Variants in COL22A1 observed in about 807,000 individuals in gnomAD.
COL22A1 encodes collagen alpha-1(XXII) chain.
COL22A1 carries 221 observed loss-of-function variants against 248.9 expected under a neutral mutation model. The observed-to-expected ratio is 0.89, with a 90% CI of 0.80 to 0.99. The LOEUF is 0.99. COL22A1 is among the 50% of genes least tolerant of loss of function. COL22A1 has a pLI of 0.00. For missense variants in COL22A1, 2,240 were observed against 2,179.0 expected (o/e 1.03, Z -0.56); for synonymous variants, 891 against 793.4 (o/e 1.12, Z -2.07).
chr8:138,905,110 T>C (rs755208406), intron 1 of COL22A1, among the ~76,000 whole-genome samples: 1 of 152,218 alleles, frequency 6.6e-6, no homozygotes, highest in Non-Finnish European at 1.5e-5. Context: ...ATTAGATACA[T>C]GACAAACTCT....
intron 22 of COL22A1, among the ~76,000 whole-genome samples, chr8:138,739,106 T>C (rs1251244375): frequency 6.6e-6 from 1 of 152,164 alleles, no homozygotes; most frequent in Non-Finnish European, 1.5e-5. Flanking sequence ...ATGATATCAT[T>C]AAAACATAAA....
In COL22A1 at chr8:138,643,619, T is replaced by C. The variant is rs566858339; in HGVS notation, c.3501+3010A>G. ...AATATCCCTATGCAATATAGATAGA[T>C]AGATAGATAGATAGATAGATAGATA... On this transcript the variant is annotated intron_variant, in intron 47 of 64. Transcript: ENST00000303045. Among the ~76,000 whole-genome samples, 3 of 48,406 alleles carry C rather than the reference T, an allele frequency of 6.2e-5. No homozygotes were observed. In the East Asian group the frequency reaches 4.1e-3, roughly 67 times the overall value. 31.8% of individuals were successfully genotyped at this position (48,406 alleles called of 152,430 possible).
intron 22 of COL22A1, among the ~76,000 whole-genome samples, chr8:138,738,548 C>T (rs1831304902): frequency 6.6e-6 from 1 of 152,142 alleles, no homozygotes; most frequent in Admixed American, 6.5e-5. Flanking sequence ...TTCTTCCCAC[C>T]TGATCCTTTC....
chr8:138,813,107 A>G lies in COL22A1; in HGVS notation c.1246-88T>C, dbSNP rs934349512. ...GGTTTCACACAGGCCCCGTCCTGGT[A>G]TCTGGTTCCACTTCCTCTTTGGGGT... is the stretch of plus-strand genomic sequence containing the variant. On this transcript the variant is annotated intron_variant, in intron 7 of 64. Transcript: ENST00000303045. The G allele has an allele frequency of 1.8e-5, 17 of 960,594 alleles. No homozygotes were observed. In the East Asian group the frequency reaches 3.9e-4, roughly 22 times the overall value. The allele number at this position is 960,594 out of a possible 1,614,324, so 59.5% of individuals were successfully genotyped here.
At chr8:138,900,551 C>A (rs944781839) in intron 1 of COL22A1, among the ~76,000 whole-genome samples, 11 of 152,218 alleles carry the variant, frequency 7.2e-5, no homozygotes, top group African/African-American at 2.7e-4. Flanking sequence ...CATGCCATTT[C>A]TGTTTCTCTC....
chr8:138,720,866 AG>A, intron 26 of COL22A1, 74 bp from the exon 27 acceptor site: 1 of 1,237,642 alleles, frequency 8.1e-7, no homozygotes, highest in Non-Finnish European at 1.2e-6. Flanking sequence ...TACTAGGCAC[AG>A]GTTGGAAGGA....
chr8:138,894,060 G>C (rs911898618), intron 1 of COL22A1, among the ~76,000 whole-genome samples: 1 of 152,186 alleles, frequency 6.6e-6, no homozygotes, highest in Admixed American at 6.5e-5. Context: ...ACAGTAGTTT[G>C]GAGGAAAAGA....
Position 138,724,713 on chromosome 8 carries a change from G to A in COL22A1, c.2194-45C>T, listed in dbSNP as rs560245978. The A allele has an allele frequency of 1.3e-4, 201 of 1,581,854 alleles. 1 individual carries two copies. In the South Asian group the frequency reaches 2.0e-3, roughly 16 times the overall value. On this transcript the variant is annotated intron_variant, in intron 24 of 64. Transcript: ENST00000303045. ...ACCCTGTTAGCCTGGCCTGTTCAGA[G>A]ATCAGATCATTGACTCAACCTCTTT...
chr8:138,838,937 A>C (rs1243331258), intron 4 of COL22A1, among the ~76,000 whole-genome samples: 1 of 152,008 alleles, frequency 6.6e-6, no homozygotes, highest in East Asian at 1.9e-4. Context: ...CATCCAGCAA[A>C]GGTCGACCTG....
At chr8:138,691,662 T>TG in intron 35 of COL22A1, among the ~76,000 whole-genome samples, 1 of 146,376 alleles carries the variant, frequency 6.8e-6, no homozygotes, top group Non-Finnish European at 1.5e-5. Context: ...TGCATGTTTG[T>TG]GGGGGTGTGT....
At chr8:138,600,305 G>A (rs906850232) in intron 60 of COL22A1, among the ~76,000 whole-genome samples, 9 of 152,156 alleles carry the variant, frequency 5.9e-5, no homozygotes, top group African/African-American at 2.2e-4. Flanking sequence ...GAGGCACAGG[G>A]AGAAAAAGAA....
At chr8:138,859,109 G>A (rs996708550) in intron 3 of COL22A1, among the ~76,000 whole-genome samples, 1 of 152,208 alleles carries the variant, frequency 6.6e-6, no homozygotes, top group African/African-American at 2.4e-5. Context: ...TTAGTCTGTG[G>A]TTCTCAGAGA....
At chr8:138,596,254 A>C (rs902180475) in intron 62 of COL22A1, among the ~76,000 whole-genome samples, 2 of 152,194 alleles carry the variant, frequency 1.3e-5, no homozygotes, top group Non-Finnish European at 2.9e-5. Context: ...CTTAACAATG[A>C]GTCAATGCAA....
intron 44 of COL22A1, among the ~76,000 whole-genome samples, chr8:138,660,091 A>T (rs927954766): frequency 9.2e-5 from 14 of 152,126 alleles, no homozygotes; most frequent in Non-Finnish European, 2.1e-4. Context: ...TGAACTGCCC[A>T]ACTCGAGGCA....
intron 22 of COL22A1, among the ~76,000 whole-genome samples, chr8:138,746,718 G>C (rs1473877425): frequency 1.3e-5 from 2 of 152,216 alleles, no homozygotes; most frequent in African/African-American, 2.4e-5. Context: ...GTCACTCTTA[G>C]TTCACTCTCC....
At chr8:138,851,946 C>T (rs976284314) in intron 3 of COL22A1, among the ~76,000 whole-genome samples, 2 of 152,108 alleles carry the variant, frequency 1.3e-5, no homozygotes, top group Admixed American at 6.5e-5. Context: ...TAGGGAAGCT[C>T]TAAGGCAGGG....
At chr8:138,655,819 A>C (rs962203153) in intron 45 of COL22A1, 78 bp downstream of exon 45, 227 of 1,227,124 alleles carry the variant, frequency 1.8e-4, no homozygotes, top group Non-Finnish European at 2.5e-4. Flanking sequence ...TTCAAAAAAA[A>C]CCCCAACTTA....
chr8:138,888,798 C>CAA (rs1224455040), intron 1 of COL22A1, among the ~76,000 whole-genome samples: 1 of 152,196 alleles, frequency 6.6e-6, no homozygotes, highest in Non-Finnish European at 1.5e-5. Context: ...TCATGCTTCA[C>CAA]AGCTGTATGG....
chr8:138,891,671 C>T (rs1400676803), intron 1 of COL22A1, among the ~76,000 whole-genome samples: 6 of 152,100 alleles, frequency 3.9e-5, no homozygotes, highest in Admixed American at 2.0e-4. Context: ...ACAATCTAAC[C>T]ATAGGTCCAT....
Sources: allele counts gnomAD v4.1 joint callset (sites outside exome capture counted in the v4.1 genomes callset), GRCh38; gene constraint gnomAD v4.1.1; transcripts MANE v1.5; gene names NCBI Gene and HGNC (gene_info 2026-07-23, HGNC 2026-07-21).